ATP6V0A1: variants seen among roughly 807,000 people sequenced by gnomAD.
The protein encoded by ATP6V0A1 is ATPase H+ transporting V0 subunit a1.
Under a neutral mutation model 105.4 loss-of-function variants are expected in ATP6V0A1, and 43 were observed. The observed-to-expected ratio is 0.41, with a 90% confidence interval of 0.32 to 0.53. The LOEUF is 0.53. Ranked by LOEUF, ATP6V0A1 falls within the 20% of genes least tolerant of loss-of-function variation. The pLI, the probability that ATP6V0A1 is intolerant of heterozygous loss-of-function variation, is 0.30. For missense variants in ATP6V0A1, 676 were observed against 1,051.1 expected, an observed-to-expected ratio of 0.64 and a Z score of 4.93; for synonymous variants, 362 against 372.8, an observed-to-expected ratio of 0.97 and a Z score of 0.33.
At chr17:42,486,315 G>A (rs1490801325) in intron 9 of ATP6V0A1, among the ~76,000 whole-genome samples, 2 of 152,108 alleles carry the variant, frequency 1.3e-5, no homozygotes, top group Non-Finnish European at 2.9e-5. Context: ...GGAGGCTGAG[G>A]CGGGAGAATC....
At chr17:42,471,286 G>GT (rs1211408162) in intron 5 of ATP6V0A1, 1 of 152,040 alleles carries the variant, frequency 6.6e-6, no homozygotes, top group Non-Finnish European at 1.5e-5. Context: ...GCCGGGCATG[G>GT]TGGTGGGCAC....
At chr17:42,511,780 G>T (rs1021575528) in intron 19 of ATP6V0A1, among the ~76,000 whole-genome samples, 2 of 152,122 alleles carry the variant, frequency 1.3e-5, no homozygotes, top group Non-Finnish European at 2.9e-5. Flanking sequence ...GACCAGCCTG[G>T]CCAACATGGT....
chr17:42,512,166 C>T (rs1300883378), intron 19 of ATP6V0A1, among the ~76,000 whole-genome samples: 1 of 152,130 alleles, frequency 6.6e-6, no homozygotes, highest in Non-Finnish European at 1.5e-5. Context: ...GAGTGGCAGA[C>T]TCATAAGTGC....
At chr17:42,468,161 T>C in intron 4 of ATP6V0A1, 54 bp downstream of exon 4, 1 of 1,262,232 alleles carries the variant, frequency 7.9e-7, no homozygotes, top group Non-Finnish European at 1.1e-6. Flanking sequence ...ACGCAGAAAT[T>C]ACTTTCCTGA....
chr17:42,495,792 G>A, intron 14 of ATP6V0A1, 76 bp downstream of exon 14: 1 of 1,301,320 alleles, frequency 7.7e-7, no homozygotes, highest in South Asian at 1.2e-5. Context: ...TTAAAATGAA[G>A]ATAAATAGTT....
At chr17:42,489,724 G>C (rs1487734267) in intron 10 of ATP6V0A1, among the ~76,000 whole-genome samples, 1 of 152,166 alleles carries the variant, frequency 6.6e-6, no homozygotes, top group Admixed American at 6.5e-5. Flanking sequence ...ATTGGGGAGA[G>C]ATGGTAAGTT....
chr17:42,472,592 C>T (rs556665347), intron 5 of ATP6V0A1, among the ~76,000 whole-genome samples: 134 of 151,934 alleles, frequency 8.8e-4, no homozygotes, highest in South Asian at 2.9e-3. Flanking sequence ...GGCATGGTGG[C>T]GGGCGCCTAT....
At chr17:42,511,707 G>A (rs186971083) in intron 19 of ATP6V0A1, among the ~76,000 whole-genome samples, 72 of 152,186 alleles carry the variant, frequency 4.7e-4, no homozygotes, top group African/African-American at 1.7e-3. Flanking sequence ...GGGGGCTCAC[G>A]CCTGTAATCC....
intron 17 of ATP6V0A1, among the ~76,000 whole-genome samples, chr17:42,504,591 G>A (rs1248364181): frequency 6.6e-6 from 1 of 152,158 alleles, no homozygotes; most frequent in Non-Finnish European, 1.5e-5. Flanking sequence ...ACCTGGAGGT[G>A]TCCAGGCTCT....
intron 19 of ATP6V0A1, 21 bp downstream of exon 19, chr17:42,508,610 G>C: frequency 6.2e-7 from 1 of 1,613,954 alleles, no homozygotes; most frequent in South Asian, 1.1e-5. Context: ...AGCTGGCGTT[G>C]CCTTCGTGTT....
chr17:42,458,984 T>G (rs1444632727), intron 1 of ATP6V0A1, 21 bp downstream of exon 1: 1 of 152,642 alleles, frequency 6.6e-6, no homozygotes, highest in East Asian at 1.9e-4. Flanking sequence ...GCTGTAGGTT[T>G]AGCGCAACAG....
intron 4 of ATP6V0A1, 143 bp downstream of exon 4, chr17:42,468,250 T>C (rs2087374108): frequency 1.6e-5 from 8 of 504,162 alleles, no homozygotes; most frequent in Non-Finnish European, 2.9e-5. Context: ...GGTGGGATTT[T>C]GATAGATAAT....
intron 2 of ATP6V0A1, among the ~76,000 whole-genome samples, chr17:42,463,150 A>C (rs1043722477): frequency 6.5e-5 from 9 of 137,640 alleles, no homozygotes; most frequent in Admixed American, 2.1e-4. Context: ...CTACAGGCGC[A>C]CACCGCCGAG....
chr17:42,502,421 A>AT (rs982701162), intron 17 of ATP6V0A1, among the ~76,000 whole-genome samples: 2 of 151,804 alleles, frequency 1.3e-5, no homozygotes, highest in Non-Finnish European at 2.9e-5. Flanking sequence ...AAGCACGTTG[A>AT]TTTTTTTTCT....
At position 42,510,733 on chromosome 17, in the gene ATP6V0A1, C is replaced by T. The variant is rs1368411988; in HGVS notation, c.2130+2144C>T. 4 of 152,172 alleles carry T rather than the reference C, an allele frequency of 2.6e-5. No individual in the cohort carries two copies. In the East Asian group the frequency reaches 5.8e-4, roughly 22 times the overall value. 9.4% of individuals were successfully genotyped at this position (152,172 alleles called of 1,614,324 possible). On this transcript the variant is annotated intron_variant, in intron 19 of 21. Transcript: ENST00000343619. Reference sequence around the variant, plus strand: ...GCGGTGAAGCTGATGGTGACACAGCCATGGCGCATTGAAATACCCCCAGTG... The same window carrying T: ...GCGGTGAAGCTGATGGTGACACAGCTATGGCGCATTGAAATACCCCCAGTG...
intron 5 of ATP6V0A1, among the ~76,000 whole-genome samples, chr17:42,473,282 G>C (rs1477524125): frequency 6.6e-6 from 1 of 152,198 alleles, no homozygotes; most frequent in Non-Finnish European, 1.5e-5. Context: ...CGCCACTTAA[G>C]CTGTATGTTT....
In ATP6V0A1 at chr17:42,458,878, A is replaced by C. The variant is rs963371631; in HGVS notation, c.-133A>C. 2 of 153,098 alleles carry C rather than the reference A, an allele frequency of 1.3e-5. No homozygotes were observed. The highest frequency in any genetic ancestry group is 1.3e-4 in the Admixed American group (2 of 15,286). The allele number at this position is 153,098 out of a possible 1,614,324, so 9.5% of individuals were successfully genotyped here. On this transcript the variant is annotated 5_prime_UTR_variant, in exon 1 of 22. Transcript: ENST00000343619. ...GGGGCGGGGCTTTACGGACGCAAGCACGTCGAAGCGCTGCTCCTGGAGCCG... is the reference window on the plus strand; with the variant it reads ...GGGGCGGGGCTTTACGGACGCAAGCCCGTCGAAGCGCTGCTCCTGGAGCCG...
At chr17:42,496,423 A>G (rs2091186422) in intron 14 of ATP6V0A1, 1 of 152,204 alleles carries the variant, frequency 6.6e-6, no homozygotes, top group African/African-American at 2.4e-5. Context: ...AACTTATCCG[A>G]GAATTAATTT....
intron 7 of ATP6V0A1, 61 bp downstream of exon 7, chr17:42,478,650 C>T (rs929832706): frequency 2.2e-5 from 32 of 1,468,870 alleles, no homozygotes; most frequent in East Asian, 1.8e-4. Flanking sequence ...AGAGCAGTAA[C>T]GTAGCATGGG....
Sources: gnomAD v4.1 joint callset for allele counts (sites outside exome capture counted in the v4.1 genomes callset) on GRCh38, gnomAD v4.1.1 for gene constraint, MANE v1.5 for transcripts, NCBI Gene and HGNC (gene_info 2026-07-23, HGNC 2026-07-21) for gene names.